UNC80: variants seen among roughly 807,000 people sequenced by gnomAD.
The protein encoded by UNC80 is protein unc-80 homolog.
A neutral mutation model predicts 384.6 loss-of-function variants in UNC80; 164 were observed. The ratio of observed to expected loss-of-function variants is 0.43; its 90% CI spans 0.38 to 0.49. UNC80 has a LOEUF of 0.49. Among genes scored for constraint, UNC80 ranks in the 20% least tolerant of loss-of-function variants. UNC80 has a pLI of 0.00. For synonymous variants in UNC80, 1,486 were observed against 1,527.8 expected (o/e 0.97, Z 0.64); for missense variants, 3,330 against 4,143.0 (o/e 0.80, Z 5.39).
rs904354053 is a variant in UNC80, at chr2:209,840,485, T to C, written c.3251-57T>C. On this transcript the variant is annotated intron_variant, in intron 19 of 64. Coordinates refer to ENST00000673920, the MANE Select transcript of UNC80 (RefSeq NM_001371986.1). ...TGTTGGGCTTATGTTGACATTTCTG[T>C]TTAATTGATTGGATAGAAAATGCTA... is the stretch of plus-strand genomic sequence containing the variant. The C allele has an allele frequency of 7.7e-6, 11 of 1,427,636 alleles. No individual in the cohort carries two copies. In the African/African-American group the frequency reaches 8.5e-5, roughly 11 times the overall value. 88.4% of individuals were successfully genotyped at this position (1,427,636 alleles called of 1,614,324 possible).
In UNC80 at chr2:209,967,368, TA is replaced by T. The variant is rs768408770; in HGVS notation, c.7806-62del. On this transcript the variant is annotated intron_variant, in intron 51 of 64. Coordinates refer to ENST00000673920, the MANE Select transcript of UNC80 (RefSeq NM_001371986.1). ...AAGGGGTGATTAACATGTTGCTGTG[TA>T]AAAAAATTCCTGTTGTGTAATTCTA... 8.3e-5 allele frequency: 102 copies of T among 1,228,760 alleles called. 1 individual carries two copies. The East Asian group carries it at 2.1e-3, about 26-fold the overall frequency. The allele number at this position is 1,228,760 out of a possible 1,614,324, so 76.1% of individuals were successfully genotyped here.
rs1352013887 is a variant in UNC80 at position 209,834,993 on chromosome 2, C to T, written c.3024C>T (p.Pro1008=). Residue 1008 remains proline, a synonymous_variant, in exon 18 of 65, where the codon CCC becomes CCT. Coordinates refer to ENST00000673920, the MANE Select transcript of UNC80 (RefSeq NM_001371986.1). ...EECRSFMSGR[P]SQTPEHDEQM... ...GTCGCAGCTTCATGTCTGGTCGCCC[C>T]TCACAGACTCCAGAGCAGTAAGTAG... The T allele has an allele frequency of 4.5e-6, 7 of 1,550,734 alleles. No homozygotes were observed. The highest frequency in any genetic ancestry group is 6.1e-6 in the Non-Finnish European group (7 of 1,146,314).
At chr2:209,912,470 A>G in intron 29 of UNC80, 90 bp from the exon 30 acceptor site, 1 of 716,482 alleles carries the variant, frequency 1.4e-6, no homozygotes, top group East Asian at 3.3e-5. Context: ...CCACTAGAAG[A>G]TGGTTGCCTG....
intron 31 of UNC80, among the ~76,000 whole-genome samples, chr2:209,915,843 G>A (rs1173063127): frequency 6.6e-6 from 1 of 152,076 alleles, no homozygotes; most frequent in Non-Finnish European, 1.5e-5. Context: ...TAATAACAAA[G>A]TATTGTATAT....
At chr2:209,876,759 C>T (rs759953798) in intron 23 of UNC80, among the ~76,000 whole-genome samples, 5 of 152,104 alleles carry the variant, frequency 3.3e-5, no homozygotes, top group African/African-American at 7.2e-5. Flanking sequence ...AAAACTTACC[C>T]GGTTAGCAGC....
At chr2:209,906,436 T>C (rs2088220114) in intron 29 of UNC80, among the ~76,000 whole-genome samples, 1 of 152,220 alleles carries the variant, frequency 6.6e-6, no homozygotes, top group African/African-American at 2.4e-5. Context: ...GTACATTTCA[T>C]TGACAAGTGC....
At chr2:209,949,468 C>T (rs180839173) in intron 47 of UNC80, among the ~76,000 whole-genome samples, 223 of 151,762 alleles carry the variant, frequency 1.5e-3, no homozygotes, top group African/African-American at 5.2e-3. Flanking sequence ...CTACCCACCC[C>T]CCGCTTTTTA....
intron 59 of UNC80, among the ~76,000 whole-genome samples, 156 bp from the exon 60 acceptor site, chr2:209,982,023 T>A (rs758469993): frequency 1.3e-5 from 2 of 152,222 alleles, no homozygotes; most frequent in South Asian, 4.1e-4. Flanking sequence ...AAGGTCTAAG[T>A]TTTTTTATCT....
chr2:209,826,597 A>T (rs2080539099), intron 14 of UNC80, among the ~76,000 whole-genome samples: 1 of 152,154 alleles, frequency 6.6e-6, no homozygotes, highest in Non-Finnish European at 1.5e-5. Flanking sequence ...ATTTGAGATC[A>T]TGTCCTTGTC....
Position 209,914,814 on chromosome 2 carries a change from A to T in UNC80, c.5029+874A>T, listed in dbSNP as rs1005904279. 2.8e-4 allele frequency among the ~76,000 whole-genome samples: 43 copies of T among 152,250 alleles called. 1 individual carries two copies. Among genetic ancestry groups the T allele is most frequent in the African/African-American group, 9.9e-4 (41 of 41,536 alleles). ...TATATCTAGAAGACTGTTTTTAAAT[A>T]TCAGTTTATAGTTTTACCTCTTCTC... On this transcript the variant is annotated intron_variant, in intron 31 of 64. Coordinates refer to ENST00000673920, the MANE Select transcript of UNC80 (RefSeq NM_001371986.1).
At chr2:209,974,954 G>A (rs1575192321) in intron 56 of UNC80, among the ~76,000 whole-genome samples, 1 of 152,140 alleles carries the variant, frequency 6.6e-6, no homozygotes, top group African/African-American at 2.4e-5. Flanking sequence ...TTTAGTTGAG[G>A]GAAAGGAATT....
intron 7 of UNC80, among the ~76,000 whole-genome samples, chr2:209,799,063 A>T (rs941063740): frequency 1.5e-4 from 19 of 123,076 alleles, no homozygotes; most frequent in Non-Finnish European, 2.4e-4. Context: ...TAAATTCATT[A>T]TTTTAAAAAA....
chr2:209,989,645 C>T (rs2093355835), intron 61 of UNC80, among the ~76,000 whole-genome samples: 1 of 152,118 alleles, frequency 6.6e-6, no homozygotes, highest in African/African-American at 2.4e-5. Flanking sequence ...CTGGACATAA[C>T]ATAGAGAGGT....
At chr2:209,844,384 CCTTCT>C (rs2081980062) in intron 21 of UNC80, among the ~76,000 whole-genome samples, 1 of 151,440 alleles carries the variant, frequency 6.6e-6, no homozygotes. Context: ...TTCCTTCCTT[CCTTCT>C]CTTCTCTCCT....
rs139723627 is a variant in UNC80, at chr2:209,942,294, A to G, written c.6915+805A>G. Among the ~76,000 whole-genome samples the G allele has an allele frequency of 3.0e-3, 455 of 152,296 alleles. 3 individuals are homozygous for G. The highest frequency in any genetic ancestry group is 0.01 in the African/African-American group (433 of 41,566). ...CCATGAAACCAGTCCCTGATGCCAA[A>G]AAGGTTGGGGACCACTGCCCTAGAA... is the stretch of plus-strand genomic sequence containing the variant. On this transcript the variant is annotated intron_variant, in intron 44 of 64. Coordinates refer to ENST00000673920, the MANE Select transcript of UNC80 (RefSeq NM_001371986.1).
intron 62 of UNC80, among the ~76,000 whole-genome samples, chr2:209,992,523 G>A (rs138677551): frequency 2.2e-4 from 34 of 152,162 alleles, no homozygotes; most frequent in African/African-American, 7.9e-4. Context: ...AAAATAAGCA[G>A]CACAGAGCAA....
At chr2:209,869,509 C>T (rs2124877771) in intron 22 of UNC80, among the ~76,000 whole-genome samples, 1 of 152,152 alleles carries the variant, frequency 6.6e-6, no homozygotes, top group African/African-American at 2.4e-5. Context: ...GCATCACCCT[C>T]AATTTTCAGT....
intron 49 of UNC80, 136 bp downstream of exon 49, chr2:209,957,872 G>C: frequency 1.3e-6 from 1 of 770,088 alleles, no homozygotes; most frequent in South Asian, 2.5e-5. Flanking sequence ...AAGAAGGTGA[G>C]AGTTTAGAGT....
At position 209,813,850 on chromosome 2, in the gene UNC80, A is replaced by G. The variant is rs567322202; in HGVS notation, c.1200+9A>G. On this transcript the variant is annotated intron_variant, in intron 8 of 64. Transcript: ENST00000673920. ...ACACCCACAAAACCCAAGTAAGAAAAACCCGGTTCATTGTCATTCAAACCA... is the reference window on the plus strand; with the variant it reads ...ACACCCACAAAACCCAAGTAAGAAAGACCCGGTTCATTGTCATTCAAACCA... The G allele has an allele frequency of 1.9e-6, 3 of 1,549,034 alleles. No homozygotes were observed. The highest frequency in any genetic ancestry group is 2.6e-6 in the Non-Finnish European group (3 of 1,145,688).
Sources: gnomAD v4.1 joint callset for allele counts (sites outside exome capture counted in the v4.1 genomes callset) on GRCh38, gnomAD v4.1.1 for gene constraint, MANE v1.5 for transcripts, NCBI Gene and HGNC (gene_info 2026-07-23, HGNC 2026-07-21) for gene names.